The following KNTC1 variants were observed in gnomAD, a reference collection of about 807,000 sequenced individuals.
KNTC1 encodes the protein kinetochore-associated protein 1.
In KNTC1, 253 loss-of-function variants were observed where a neutral mutation model predicts 314.4. The observed-to-expected ratio is 0.80, with a 90% CI of 0.73 to 0.89. The LOEUF (loss-of-function observed/expected upper bound fraction) is 0.89. Ranked by LOEUF, KNTC1 falls within the 40% of genes least tolerant of loss-of-function variation. The pLI is 0.00. For synonymous variants in KNTC1, 901 were observed against 901.4 expected, an observed-to-expected ratio of 1.00 and a Z score of 0.01; for missense variants, 2,475 against 2,572.9, an observed-to-expected ratio of 0.96 and a Z score of 0.82.
At chr12:122,591,852 C>T (rs1870247651) in intron 42 of KNTC1, among the ~76,000 whole-genome samples, 1 of 152,218 alleles carries the variant, frequency 6.6e-6, no homozygotes, top group Non-Finnish European at 1.5e-5. Flanking sequence ...TGAGAGGTGA[C>T]AGTGTGCGGG....
intron 45 of KNTC1, 64 bp downstream of exon 45, chr12:122,601,689 A>G: frequency 7.3e-7 from 1 of 1,367,950 alleles, no homozygotes; most frequent in African/African-American, 1.5e-5. Flanking sequence ...CATAAATCAT[A>G]TCATTATCCA....
At position 122,626,311 on chromosome 12, in the gene KNTC1, T is replaced by A; in HGVS notation, c.*83T>A. ...CATATTTATTACAGTTTTTAAATTG[T>A]ACAATCTCTGTATTATAGCTATTTG... On this transcript the variant is annotated 3_prime_UTR_variant, in exon 64 of 64. Transcript: ENST00000333479. 1.1e-6 allele frequency: 1 copy of A among 942,046 alleles called. No individual in the cohort carries two copies. 58.4% of individuals were successfully genotyped at this position (942,046 alleles called of 1,614,324 possible).
At chr12:122,625,589 CAAAA>C (rs902770670) in intron 63 of KNTC1, among the ~76,000 whole-genome samples, 1 of 103,100 alleles carries the variant, frequency 9.7e-6, no homozygotes, top group African/African-American at 3.5e-5. Context: ...CAAAACAAAA[CAAAA>C]AAAAAAAACA....
intron 55 of KNTC1, among the ~76,000 whole-genome samples, chr12:122,614,191 A>T (rs1004360269): frequency 4.6e-5 from 7 of 152,172 alleles, no homozygotes; most frequent in Non-Finnish European, 1.0e-4. Flanking sequence ...CTCTCCTGTC[A>T]CAGCGTGTGG....
intron 59 of KNTC1, among the ~76,000 whole-genome samples, 160 bp downstream of exon 59, chr12:122,618,705 G>T (rs1874067447): frequency 6.6e-6 from 1 of 152,106 alleles, no homozygotes; most frequent in African/African-American, 2.4e-5. Context: ...GTCTTGCTCT[G>T]TCATCCAGGC....
chr12:122,571,158 AAC>A lies in KNTC1; in HGVS notation c.2019+34_2019+35del, dbSNP rs779103486. ...TGTGAGAATGGATTTTTAGTAATGAAACAGTCAGTTTACCTGAAAGGGTTTGT... is the reference window on the plus strand; with the variant it reads ...TGTGAGAATGGATTTTTAGTAATGAAAGTCAGTTTACCTGAAAGGGTTTGT... On this transcript the variant is annotated intron_variant, in intron 24 of 63. Transcript: ENST00000333479. 5.1e-5 allele frequency: 76 copies of A among 1,488,096 alleles called. No individual in the cohort carries two copies. The African/African-American group carries it at 9.2e-4, about 18-fold the overall frequency. 92.2% of individuals were successfully genotyped at this position (1,488,096 alleles called of 1,614,324 possible).
At chr12:122,566,864 C>T (rs922166920) in intron 20 of KNTC1, among the ~76,000 whole-genome samples, 1 of 149,912 alleles carries the variant, frequency 6.7e-6, no homozygotes, top group African/African-American at 2.5e-5. Context: ...CAAGCTCTGC[C>T]ACCCAAGTAG....
At chr12:122,560,209 A>G (rs1304788805) in intron 18 of KNTC1, among the ~76,000 whole-genome samples, 2 of 152,066 alleles carry the variant, frequency 1.3e-5, no homozygotes, top group Non-Finnish European at 2.9e-5. Context: ...TTGTTTATCC[A>G]TGGTCCCTGA....
intron 18 of KNTC1, 72 bp from the exon 19 acceptor site, chr12:122,561,849 A>G: frequency 4.5e-6 from 6 of 1,320,456 alleles, no homozygotes; most frequent in Non-Finnish European, 6.3e-6. Flanking sequence ...TTGTTATTTC[A>G]CAGAAAATCC....
intron 52 of KNTC1, 97 bp downstream of exon 52, chr12:122,609,527 C>G: frequency 1.3e-6 from 1 of 758,382 alleles, no homozygotes; most frequent in South Asian, 1.8e-5. Flanking sequence ...AAAGGGCTTT[C>G]TTGATAAAAC....
intron 40 of KNTC1, 142 bp from the exon 41 acceptor site, chr12:122,590,465 T>G: frequency 1.4e-6 from 1 of 733,112 alleles, no homozygotes. Context: ...GACACTGAAT[T>G]CTGTTTTTTT....
intron 24 of KNTC1, among the ~76,000 whole-genome samples, chr12:122,572,011 A>G (rs1565970194): frequency 6.6e-6 from 1 of 152,108 alleles, no homozygotes; most frequent in Admixed American, 6.5e-5. Context: ...TCTCTATTCA[A>G]CCAACCAAAA....
chr12:122,541,496 A>G (rs1367900271), intron 5 of KNTC1, among the ~76,000 whole-genome samples: 2 of 151,052 alleles, frequency 1.3e-5, no homozygotes. Flanking sequence ...ACAGGCACGC[A>G]CCACCACAAC....
At position 122,620,664 on chromosome 12, in the gene KNTC1, A is replaced by G. The variant is rs985694980; in HGVS notation, c.6279+56A>G. On this transcript the variant is annotated intron_variant, in intron 60 of 63. Transcript: ENST00000333479. ...AAGGAAATAGAAGGTTTCATCTTGC[A>G]TGTCCCTTGCAAAAGGTCGCATTTT... 23 of 1,574,720 alleles carry G rather than the reference A, an allele frequency of 1.5e-5. No homozygotes were observed. In the South Asian group the frequency reaches 2.4e-4, roughly 16 times the overall value.
intron 31 of KNTC1, among the ~76,000 whole-genome samples, chr12:122,578,418 T>C (rs979746074): frequency 2.0e-5 from 3 of 151,978 alleles, no homozygotes; most frequent in African/African-American, 4.8e-5. Context: ...TTGGGTTTTT[T>C]TTTTCTTTTC....
At chr12:122,534,932 G>A (rs1961666062) in intron 3 of KNTC1, 148 bp downstream of exon 3, 1 of 745,452 alleles carries the variant, frequency 1.3e-6, no homozygotes, top group Non-Finnish European at 2.2e-6. Flanking sequence ...AGTGCTTAGT[G>A]CCTTATTTGC....
At chr12:122,530,704 G>A (rs1373635757) in intron 2 of KNTC1, among the ~76,000 whole-genome samples, 1 of 152,082 alleles carries the variant, frequency 6.6e-6, no homozygotes, top group Non-Finnish European at 1.5e-5. Flanking sequence ...ACCCACCTCA[G>A]CCTCCCAAAG....
intron 20 of KNTC1, among the ~76,000 whole-genome samples, chr12:122,568,006 G>A (rs967785883): frequency 3.3e-5 from 5 of 152,122 alleles, no homozygotes; most frequent in Admixed American, 6.6e-5. Context: ...TTATTTCTAC[G>A]TGTAGTGATT....
At chr12:122,597,648 A>G in intron 43 of KNTC1, 83 bp from the exon 44 acceptor site, 2 of 1,104,296 alleles carry the variant, frequency 1.8e-6, no homozygotes, top group South Asian at 2.6e-5. Flanking sequence ...CAATGGAAGC[A>G]TGTACCCAAG....
Sources: gnomAD v4.1 joint callset for allele counts (sites outside exome capture counted in the v4.1 genomes callset) on GRCh38, gnomAD v4.1.1 for gene constraint, MANE v1.5 for transcripts, NCBI Gene and HGNC (gene_info 2026-07-23, HGNC 2026-07-21) for gene names.